The following ODR4 variants were observed in gnomAD, a reference collection of about 807,000 sequenced individuals.
ODR4 encodes the protein odr-4 GPCR localization factor homolog.
Under a neutral mutation model 60.2 loss-of-function variants are expected in ODR4, and 47 were observed. That is an observed-to-expected ratio of 0.78 (90% CI 0.62 to 1.00). ODR4 has a LOEUF of 1.00. ODR4 is among the 50% of genes least tolerant of loss of function. The pLI is 0.00. For missense variants in ODR4, 488 were observed against 530.8 expected, an observed-to-expected ratio of 0.92 and a Z score of 0.79; for synonymous variants, 178 against 175.5, an observed-to-expected ratio of 1.01 and a Z score of -0.11.
chr1:186,407,913 AT>A (rs927148086), intron 12 of ODR4, among the ~76,000 whole-genome samples: 2 of 152,008 alleles, frequency 1.3e-5, no homozygotes, highest in African/African-American at 4.8e-5. Flanking sequence ...TAATTGTATG[AT>A]TTTTTTTCTG....
At chr1:186,395,286 G>C (rs1317665729) in intron 9 of ODR4, among the ~76,000 whole-genome samples, 1 of 152,046 alleles carries the variant, frequency 6.6e-6, no homozygotes, top group Non-Finnish European at 1.5e-5. Flanking sequence ...AGTAGAGACG[G>C]GTTTCACTGT....
chr1:186,422,741 G>C (rs2102108396), downstream of ODR4, among the ~76,000 whole-genome samples: 1 of 152,096 alleles, frequency 6.6e-6, no homozygotes, highest in African/African-American at 2.4e-5. Flanking sequence ...GCACTTTGAG[G>C]GAAATGGCTT....
chr1:186,422,061 A>G (rs1661798699), downstream of ODR4, among the ~76,000 whole-genome samples: 3 of 152,200 alleles, frequency 2.0e-5, no homozygotes, highest in Non-Finnish European at 4.4e-5. Context: ...AAATGATAGC[A>G]TTGGTCAGAT....
the ODR4 span, among the ~76,000 whole-genome samples, chr1:186,431,603 C>T: frequency 2.6e-5 from 4 of 152,134 alleles, no homozygotes; most frequent in South Asian, 6.2e-4. Context: ...AATAGCATGA[C>T]CCTAAAAGAT....
chr1:186,426,039 C>T (rs532213370), downstream of ODR4, among the ~76,000 whole-genome samples: 4 of 152,236 alleles, frequency 2.6e-5, no homozygotes, highest in Admixed American at 2.6e-4. Context: ...TTATGTTTTC[C>T]CTTTAGCAAT....
chr1:186,402,187 A>ATTCTTTCTTTCTTTCTTTCTTTCTCTCT, intron 11 of ODR4, among the ~76,000 whole-genome samples: 1 of 135,422 alleles, frequency 7.4e-6, no homozygotes, highest in South Asian at 2.5e-4. Flanking sequence ...TAGGCATCCT[A>ATTCTTTCTTTCTTTCTTTCTTTCTCTCT]TTCTTTCTTT....
In ODR4 at chr1:186,383,176, TA is replaced by T; in HGVS notation, c.234+21del. The T allele has an allele frequency of 1.3e-6, 2 of 1,540,688 alleles. No homozygotes were observed. The highest frequency in any genetic ancestry group is 1.7e-6 in the Non-Finnish European group (2 of 1,144,166). On this transcript the variant is annotated intron_variant, in intron 3 of 13. Coordinates refer to ENST00000287859, the MANE Select transcript of ODR4 (RefSeq NM_017847.6). Reference sequence around the variant, plus strand: ...TGCCAGGTTATCTTATTTTTTTGTTTATATGTTTAAGTTTTATTTCAAAAAA... The same window carrying T: ...TGCCAGGTTATCTTATTTTTTTGTTTTATGTTTAAGTTTTATTTCAAAAAA...
chr1:186,414,744 T>A (rs1661498458), intron 12 of ODR4, among the ~76,000 whole-genome samples: 1 of 151,994 alleles, frequency 6.6e-6, no homozygotes, highest in Non-Finnish European at 1.5e-5. Context: ...ATGATCTCGA[T>A]CTCCTGACCT....
the ODR4 span, among the ~76,000 whole-genome samples, chr1:186,428,060 C>T: frequency 6.4e-4 from 98 of 152,264 alleles, no homozygotes; most frequent in African/African-American, 2.3e-3. Flanking sequence ...GGCAAAGGAG[C>T]TTTGGCTTCA....
At chr1:186,432,712 T>A in the ODR4 span, among the ~76,000 whole-genome samples, 31 of 152,254 alleles carry the variant, frequency 2.0e-4, no homozygotes, top group African/African-American at 7.5e-4. Flanking sequence ...GCATGTGTTT[T>A]AAAAAATTTT....
intron 11 of ODR4, among the ~76,000 whole-genome samples, chr1:186,404,282 C>T (rs1661093482): frequency 6.6e-6 from 1 of 152,126 alleles, no homozygotes; most frequent in African/African-American, 2.4e-5. Context: ...AAACCTCAGA[C>T]CAACAGAAAA....
intron 13 of ODR4, 113 bp downstream of exon 13, chr1:186,417,767 A>G (rs1459905390): frequency 4.6e-6 from 3 of 649,038 alleles, no homozygotes; most frequent in Non-Finnish European, 8.1e-6. Context: ...TAGACTTAAC[A>G]GTATTTATTG....
rs556305579 is a variant in ODR4 at position 186,379,837 on chromosome 1, A to G, written c.52A>G (p.Ile18Val). 4.3e-6 allele frequency: 7 copies of G among 1,609,648 alleles called. No individual in the cohort carries two copies. The highest frequency in any genetic ancestry group is 2.2e-5 in the South Asian group (2 of 90,174). Residue 18 changes from isoleucine to valine, a missense_variant, in exon 2 of 14, where the codon ATA becomes GTA. Transcript: ENST00000287859. ...EETVGQYLSNINLQGKAFVSG... is the reference protein window; with the variant it reads ...EETVGQYLSNVNLQGKAFVSG... ...GACTGTTGGCCAGTATCTTTCAAAC[A>G]TAAATCTCCAAGGAAAGGCTTTTGT...
chr1:186,415,868 G>A (rs765014094), intron 12 of ODR4, among the ~76,000 whole-genome samples: 2 of 152,204 alleles, frequency 1.3e-5, no homozygotes, highest in African/African-American at 2.4e-5. Context: ...AAATGCCTGT[G>A]ATGGTCGAAA....
intron 12 of ODR4, among the ~76,000 whole-genome samples, chr1:186,407,247 ACT>A (rs1476991116): frequency 6.6e-6 from 1 of 152,152 alleles, no homozygotes; most frequent in Non-Finnish European, 1.5e-5. Flanking sequence ...TAAAGATACA[ACT>A]CTAGCATAGT....
At chr1:186,430,105 A>G in the ODR4 span, among the ~76,000 whole-genome samples, 1 of 152,130 alleles carries the variant, frequency 6.6e-6, no homozygotes, top group East Asian at 1.9e-4. Context: ...GTTAGATTCA[A>G]ATTGTATTAA....
intron 11 of ODR4, among the ~76,000 whole-genome samples, chr1:186,403,442 C>T (rs1165744329): frequency 6.6e-6 from 1 of 151,952 alleles, no homozygotes; most frequent in African/African-American, 2.4e-5. Flanking sequence ...ATTTTATCCT[C>T]ATTTTACTTT....
chr1:186,401,819 C>G (rs558977430), intron 11 of ODR4, among the ~76,000 whole-genome samples: 3 of 144,774 alleles, frequency 2.1e-5, no homozygotes, highest in South Asian at 4.3e-4. Context: ...ATGTAGTTTT[C>G]TTTTTTTGTG....
chr1:186,392,010 T>C (rs778954622), intron 8 of ODR4, among the ~76,000 whole-genome samples: 4 of 152,078 alleles, frequency 2.6e-5, no homozygotes, highest in Non-Finnish European at 2.9e-5. Context: ...AAGACATACA[T>C]GCAGCCAAGA....
Sources: gnomAD v4.1 joint callset for allele counts (sites outside exome capture counted in the v4.1 genomes callset) on GRCh38, gnomAD v4.1.1 for gene constraint, MANE v1.5 for transcripts, NCBI Gene and HGNC (gene_info 2026-07-23, HGNC 2026-07-21) for gene names.